The following RIC1 variants were observed in gnomAD, a reference collection of about 807,000 sequenced individuals.
RIC1 encodes the protein guanine nucleotide exchange factor subunit RIC1.
In RIC1, 88 loss-of-function variants were observed where a neutral mutation model predicts 169.0. The ratio of observed to expected loss-of-function variants is 0.52; its 90% CI spans 0.44 to 0.62. RIC1 has a LOEUF of 0.62. Ranked by LOEUF, RIC1 falls within the 20% of genes least tolerant of loss-of-function variation. The pLI, the probability that RIC1 is intolerant of heterozygous loss-of-function variation, is 0.00. For missense variants in RIC1, 1,877 were observed against 1,725.5 expected (o/e 1.09, Z -1.56); for synonymous variants, 790 against 601.5 (o/e 1.31, Z -4.59).
At chr9:5,709,641 T>C (rs1822814897) in intron 3 of RIC1, among the ~76,000 whole-genome samples, 1 of 152,204 alleles carries the variant, frequency 6.6e-6, no homozygotes, top group South Asian at 2.1e-4. Context: ...CAACTTATTC[T>C]TCTAGCCTCA....
intron 1 of RIC1, among the ~76,000 whole-genome samples, chr9:5,654,535 A>T (rs1818977354): frequency 6.6e-6 from 1 of 151,994 alleles, no homozygotes; most frequent in African/African-American, 2.4e-5. Flanking sequence ...GGCGTGAGCC[A>T]CTGTGCCCAG....
chr9:5,665,379 A>C (rs10114086), intron 2 of RIC1, among the ~76,000 whole-genome samples: 57,460 of 151,890 alleles, frequency 0.38, 11,099 homozygotes, highest in East Asian at 0.59. Flanking sequence ...CATTGGGTTA[A>C]AACTTGCTCC....
At chr9:5,762,308 C>T (rs1292631039) in intron 17 of RIC1, among the ~76,000 whole-genome samples, 1 of 152,162 alleles carries the variant, frequency 6.6e-6, no homozygotes, top group African/African-American at 2.4e-5. Flanking sequence ...CAACTCTGCC[C>T]TCAATCTTAT....
In RIC1 at chr9:5,776,126, T is replaced by A. The variant is rs960636975; in HGVS notation, c.*1880T>A. On this transcript the variant is annotated 3_prime_UTR_variant, in exon 26 of 26. Coordinates refer to ENST00000414202, the MANE Select transcript of RIC1 (RefSeq NM_020829.4). Reference sequence around the variant, plus strand: ...GCTGCTGAGTTCATCTCAAACATTCTTGAAAGCAGGGCACCAGTATAAGTT... The same window carrying A: ...GCTGCTGAGTTCATCTCAAACATTCATGAAAGCAGGGCACCAGTATAAGTT... The A allele has an allele frequency of 3.3e-5, 5 of 152,180 alleles. No homozygotes were observed. The highest frequency in any genetic ancestry group is 7.2e-5 in the African/African-American group (3 of 41,446). The allele number at this position is 152,180 out of a possible 1,614,324, so 9.4% of individuals were successfully genotyped here.
intron 14 of RIC1, among the ~76,000 whole-genome samples, chr9:5,754,081 C>G: frequency 6.6e-6 from 1 of 152,060 alleles, no homozygotes; most frequent in East Asian, 1.9e-4. Context: ...AGAAGGAAAT[C>G]AGTACTTATT....
At chr9:5,773,348 G>A (rs1446182340) in intron 25 of RIC1, 2 of 170,686 alleles carry the variant, frequency 1.2e-5, no homozygotes, top group African/African-American at 4.8e-5. Context: ...GATTGATGCA[G>A]TGCAAATGAG....
At chr9:5,738,838 A>T (rs563283219) in intron 8 of RIC1, among the ~76,000 whole-genome samples, 2 of 152,084 alleles carry the variant, frequency 1.3e-5, no homozygotes, top group Admixed American at 6.5e-5. Context: ...TAATTAGCCA[A>T]TGCCCAAGTT....
Position 5,732,486 on chromosome 9 carries a change from T to G in RIC1, c.812+7T>G, listed in dbSNP as rs770766396. 25 of 1,579,048 alleles carry G rather than the reference T, an allele frequency of 1.6e-5. No homozygotes were observed. Among genetic ancestry groups the G allele is most frequent in the Non-Finnish European group, 1.7e-5 (20 of 1,157,498 alleles). On this transcript the variant is annotated splice_region_variant and intron_variant, in intron 7 of 25. Coordinates refer to ENST00000414202, the MANE Select transcript of RIC1 (RefSeq NM_020829.4). ...TGGCATTTGGCTGTGTGAGGTATAA[T>G]TGATGTAGGCTTTTGCATTTTTAAG...
chr9:5,629,191 C>T lies in RIC1; in HGVS notation c.-119C>T. ...CGGCCAGGCCAGCGGGCAGATGCCC[C>T]GAGCTGCCGCCGCCGCCGCCGCCGA... On this transcript the variant is annotated 5_prime_UTR_variant, in exon 1 of 26. It introduces an in-frame stop codon into an upstream open reading frame of the 5' UTR. Transcript: ENST00000414202. 2 of 1,077,390 alleles carry T rather than the reference C, an allele frequency of 1.9e-6. No homozygotes were observed. The highest frequency in any genetic ancestry group is 2.4e-6 in the Non-Finnish European group (2 of 834,090). The allele number at this position is 1,077,390 out of a possible 1,614,324, so 66.7% of individuals were successfully genotyped here.
In RIC1 at chr9:5,738,486, T is replaced by C. The variant is rs142939979; in HGVS notation, c.849T>C (p.Thr283=). ...AGGTCTATACAATAGATAACAGCACTGGAGCCATGCTGCTATCTCATAAAT... is the reference window on the plus strand; with the variant it reads ...AGGTCTATACAATAGATAACAGCACCGGAGCCATGCTGCTATCTCATAAAT... ...SVQVYTIDNS[T]GAMLLSHKLE... is the part of the protein sequence containing the mutation. The change falls in exon 8 of 26, where the codon ACT becomes ACC. Residue 283 remains threonine (T), a synonymous_variant. Coordinates refer to ENST00000414202, the MANE Select transcript of RIC1 (RefSeq NM_020829.4). The C allele has an allele frequency of 6.2e-7, 1 of 1,608,342 alleles. No individual in the cohort carries two copies. The highest frequency in any genetic ancestry group is 1.3e-5 in the African/African-American group (1 of 74,710).
intron 7 of RIC1, among the ~76,000 whole-genome samples, chr9:5,732,860 G>C (rs769447713): frequency 6.6e-6 from 1 of 152,040 alleles, no homozygotes; most frequent in Non-Finnish European, 1.5e-5. Context: ...TAGTGAGTGT[G>C]CTTTAGTTAA....
intron 11 of RIC1, among the ~76,000 whole-genome samples, chr9:5,746,909 G>C (rs1451697974): frequency 3.3e-5 from 5 of 152,102 alleles, no homozygotes; most frequent in Non-Finnish European, 5.9e-5. Flanking sequence ...CAGAAAAGAA[G>C]AGAGCATTTC....
intron 1 of RIC1, among the ~76,000 whole-genome samples, chr9:5,652,469 A>G (rs947331328): frequency 1.3e-5 from 2 of 152,132 alleles, no homozygotes; most frequent in African/African-American, 4.8e-5. Context: ...AGCTATTAAT[A>G]AGTGGGATTG....
chr9:5,734,748 A>G (rs1021134056), intron 7 of RIC1, among the ~76,000 whole-genome samples: 5 of 152,168 alleles, frequency 3.3e-5, no homozygotes, highest in African/African-American at 9.7e-5. Flanking sequence ...ACTGGTCAAC[A>G]TTGTGAGATT....
chr9:5,698,018 T>G (rs1275916753), intron 3 of RIC1, among the ~76,000 whole-genome samples: 1 of 152,194 alleles, frequency 6.6e-6, no homozygotes, highest in Non-Finnish European at 1.5e-5. Flanking sequence ...CTTAGGTAAG[T>G]TATGTTGCAA....
chr9:5,692,752 A>G (rs1258453976), intron 3 of RIC1, among the ~76,000 whole-genome samples: 1 of 152,072 alleles, frequency 6.6e-6, no homozygotes, highest in Non-Finnish European at 1.5e-5. Flanking sequence ...TAGTGGTTAT[A>G]TAAGGTTTTG....
intron 1 of RIC1, among the ~76,000 whole-genome samples, chr9:5,632,215 A>G (rs1412128613): frequency 6.6e-6 from 1 of 152,198 alleles, no homozygotes; most frequent in East Asian, 1.9e-4. Context: ...ATATATTTTA[A>G]AAAGAGACAA....
At chr9:5,657,230 A>C (rs561843729) in intron 2 of RIC1, among the ~76,000 whole-genome samples, 1 of 152,170 alleles carries the variant, frequency 6.6e-6, no homozygotes, top group Non-Finnish European at 1.5e-5. Flanking sequence ...TGTTATACTA[A>C]AATTTCCATA....
chr9:5,770,081 CT>C lies in RIC1; in HGVS notation c.3425-5del, dbSNP rs1263112186. The C allele has an allele frequency of 6.2e-7, 1 of 1,606,692 alleles. No homozygotes were observed. Among genetic ancestry groups the C allele is most frequent in the East Asian group, 2.2e-5 (1 of 44,606 alleles). On this transcript the variant is annotated splice_region_variant and splice_polypyrimidine_tract_variant and intron_variant, in intron 22 of 25. Transcript: ENST00000414202. ...TCCATTTTTTGTTTTCGGACCCACT[CT>C]GCAGTGGGAGAGCAGCTGTTAAAGT...
Sources: allele counts gnomAD v4.1 joint callset (sites outside exome capture counted in the v4.1 genomes callset), GRCh38; gene constraint gnomAD v4.1.1; transcripts MANE v1.5; gene names NCBI Gene and HGNC (gene_info 2026-07-23, HGNC 2026-07-21).